Variants in NBEA observed in about 807,000 individuals in gnomAD.
NBEA encodes the protein lysosomal-trafficking regulator 2.
A neutral mutation model predicts 343.4 loss-of-function variants in NBEA; 44 were observed. The ratio of observed to expected loss-of-function variants is 0.13; its 90% CI spans 0.10 to 0.16. The LOEUF (loss-of-function observed/expected upper bound fraction) is 0.16, where lower values mean the gene tolerates loss of function less well. Ranked by LOEUF, NBEA falls within the 10% of genes least tolerant of loss-of-function variation. The pLI, the probability that NBEA is intolerant of heterozygous loss-of-function variation, is 1.00. For synonymous variants in NBEA, 1,175 were observed against 1,238.7 expected (o/e 0.95, Z 1.08); for missense variants, 2,555 against 3,631.3 (o/e 0.70, Z 7.62).
intron 47 of NBEA, among the ~76,000 whole-genome samples, chr13:35,605,942 T>C (rs115366006): frequency 1.5e-4 from 23 of 152,310 alleles, no homozygotes; most frequent in African/African-American, 5.3e-4. Context: ...TGAATCTCTT[T>C]ATAAAAATCA....
At chr13:35,028,644 C>A (rs1289559323) in intron 1 of NBEA, among the ~76,000 whole-genome samples, 1 of 151,532 alleles carries the variant, frequency 6.6e-6, no homozygotes, top group Non-Finnish European at 1.5e-5. Context: ...CCTTTGTTTG[C>A]CTTATTACTC....
At chr13:35,543,345 G>A (rs1022946420) in intron 41 of NBEA, among the ~76,000 whole-genome samples, 8 of 152,074 alleles carry the variant, frequency 5.3e-5, no homozygotes, top group African/African-American at 1.4e-4. Flanking sequence ...ACAGCATGTC[G>A]AAGTTGTATT....
chr13:35,474,877 C>G, intron 41 of NBEA: 1 of 720,940 alleles, frequency 1.4e-6, no homozygotes. Flanking sequence ...CCATCCGCTT[C>G]CCCTACTTTT....
rs1330584850 is a variant in NBEA at position 35,672,148 on chromosome 13, T to G, written c.*1157T>G. 1 of 152,636 alleles carries G rather than the reference T, an allele frequency of 6.6e-6. No homozygotes were observed. Among genetic ancestry groups the G allele is most frequent in the Non-Finnish European group, 1.5e-5 (1 of 68,044 alleles). The allele number at this position is 152,636 out of a possible 1,614,324, so 9.5% of individuals were successfully genotyped here. On this transcript the variant is annotated 3_prime_UTR_variant, in exon 59 of 59. Coordinates refer to ENST00000379939, the MANE Select transcript of NBEA (RefSeq NM_001385012.1). The stretch of plus-strand genomic sequence containing the variant: ...GGCTATCAAATGATTTTCCATACAT[T>G]GTACTGATCAAGTTATACACCCAGG...
At chr13:35,350,926 G>GT (rs2040166015) in intron 37 of NBEA, among the ~76,000 whole-genome samples, 1 of 151,804 alleles carries the variant, frequency 6.6e-6, no homozygotes, top group Non-Finnish European at 1.5e-5. Context: ...TCACAGTTAA[G>GT]TTTTTTTAGT....
intron 38 of NBEA, among the ~76,000 whole-genome samples, chr13:35,360,516 A>G (rs1209520219): frequency 6.6e-6 from 1 of 152,124 alleles, no homozygotes; most frequent in East Asian, 1.9e-4. Flanking sequence ...TCTCAAGGAC[A>G]GACAGTTAAC....
chr13:35,504,831 A>G lies in NBEA; in HGVS notation c.6585+32295A>G, dbSNP rs2077014973. On this transcript the variant is annotated intron_variant, in intron 41 of 58. Transcript: ENST00000379939. ...ACTATGTTGTCCAGGCTAGTCTCGA[A>G]CTCCTGGGCTCACCAAACAGTCCTC... is the stretch of plus-strand genomic sequence containing the variant. Among the ~76,000 whole-genome samples, 2 of 151,868 alleles carry G rather than the reference A, an allele frequency of 1.3e-5. 1 individual carries two copies. Among genetic ancestry groups the G allele is most frequent in the South Asian group, 4.2e-4 (2 of 4,802 alleles).
At chr13:35,466,396 G>A (rs1044333503) in intron 40 of NBEA, among the ~76,000 whole-genome samples, 3 of 152,188 alleles carry the variant, frequency 2.0e-5, no homozygotes, top group African/African-American at 7.2e-5. Context: ...GGAGGAAGTA[G>A]TACTGAAGTT....
At chr13:35,283,859 G>T (rs2035227101) in intron 34 of NBEA, among the ~76,000 whole-genome samples, 1 of 152,078 alleles carries the variant, frequency 6.6e-6, no homozygotes, top group African/African-American at 2.4e-5. Context: ...AAGTATCATG[G>T]ATGTACAGCT....
intron 38 of NBEA, among the ~76,000 whole-genome samples, chr13:35,404,278 A>G (rs1218506613): frequency 1.3e-5 from 2 of 152,038 alleles, no homozygotes; most frequent in South Asian, 4.2e-4. Flanking sequence ...ACTATAAATC[A>G]TGTTGCTATA....
intron 1 of NBEA, among the ~76,000 whole-genome samples, chr13:35,020,937 A>G (rs910638533): frequency 6.6e-6 from 1 of 151,946 alleles, no homozygotes; most frequent in Non-Finnish European, 1.5e-5. Context: ...TTTCTCTTTC[A>G]TTTGTATAGG....
chr13:35,621,627 G>A (rs2082995325), intron 48 of NBEA, among the ~76,000 whole-genome samples: 1 of 152,114 alleles, frequency 6.6e-6, no homozygotes, highest in Non-Finnish European at 1.5e-5. Context: ...CAATCTAGAA[G>A]AGGGTCTGTC....
chr13:35,199,945 C>T (rs1329959540), intron 31 of NBEA, among the ~76,000 whole-genome samples: 1 of 152,110 alleles, frequency 6.6e-6, no homozygotes, highest in African/African-American at 2.4e-5. Context: ...ACTCAGTGAT[C>T]CGAACAGATG....
At chr13:35,235,844 C>A (rs2075202523) in intron 34 of NBEA, among the ~76,000 whole-genome samples, 1 of 152,002 alleles carries the variant, frequency 6.6e-6, no homozygotes, top group Non-Finnish European at 1.5e-5. Context: ...TAAGAACATG[C>A]CTTCATTGTT....
chr13:35,651,687 T>G (rs914726808), intron 52 of NBEA, 118 bp from the exon 53 acceptor site: 1 of 695,954 alleles, frequency 1.4e-6, no homozygotes, highest in African/African-American at 1.8e-5. Context: ...GAACAATTTA[T>G]CAAATCATTT....
At chr13:35,194,652 C>T (rs17051917) in intron 30 of NBEA, among the ~76,000 whole-genome samples, 19,807 of 151,910 alleles carry the variant, frequency 0.13, 1,508 homozygotes, top group African/African-American at 0.2. Context: ...TTATTCAAAA[C>T]GATTAAGTTA....
intron 38 of NBEA, among the ~76,000 whole-genome samples, chr13:35,431,398 G>T (rs908809550): frequency 1.3e-5 from 2 of 151,776 alleles, no homozygotes. Context: ...CTTAAGCAGT[G>T]GTATTTATTA....
At chr13:35,541,189 C>T (rs914651866) in intron 41 of NBEA, among the ~76,000 whole-genome samples, 1 of 151,560 alleles carries the variant, frequency 6.6e-6, no homozygotes. Flanking sequence ...GTTGCCCCCC[C>T]ACCCCCAGCA....
intron 13 of NBEA, among the ~76,000 whole-genome samples, chr13:35,116,795 GTAAT>G (rs1184141770): frequency 6.6e-6 from 1 of 151,778 alleles, no homozygotes; most frequent in Non-Finnish European, 1.5e-5. Flanking sequence ...ATTTTTATTA[GTAAT>G]TAAATATTTT....
Sources: gnomAD v4.1 joint callset for allele counts (sites outside exome capture counted in the v4.1 genomes callset) on GRCh38, gnomAD v4.1.1 for gene constraint, MANE v1.5 for transcripts, NCBI Gene and HGNC (gene_info 2026-07-23, HGNC 2026-07-21) for gene names.